The following ZNF536 variants were observed in gnomAD, a reference collection of about 807,000 sequenced individuals.
ZNF536 encodes the protein zinc finger protein 536.
A neutral mutation model predicts 84.5 loss-of-function variants in ZNF536; 13 were observed. That is an observed-to-expected ratio of 0.15 (90% CI 0.10 to 0.24). The LOEUF is 0.24. Among genes scored for constraint, ZNF536 ranks in the 10% least tolerant of loss-of-function variants. The pLI is 1.00. For synonymous variants in ZNF536, 811 were observed against 742.5 expected, an observed-to-expected ratio of 1.09 and a Z score of -1.50; for missense variants, 1,536 against 1,747.5, an observed-to-expected ratio of 0.88 and a Z score of 2.16.
At chr19:30,471,950 A>G (rs773565679) in intron 2 of ZNF536, among the ~76,000 whole-genome samples, 5 of 152,158 alleles carry the variant, frequency 3.3e-5, no homozygotes, top group Non-Finnish European at 7.3e-5. Context: ...TATTTACCAA[A>G]TGCTACATGA....
At chr19:30,571,021 A>G (rs2046527077) in intron 1 of ZNF536, among the ~76,000 whole-genome samples, 1 of 152,208 alleles carries the variant, frequency 6.6e-6, no homozygotes, top group Non-Finnish European at 1.5e-5. Context: ...GGCCTCACGC[A>G]GGGCCTGTGG....
chr19:30,453,193 C>T (rs1185503468), intron 2 of ZNF536, among the ~76,000 whole-genome samples: 1 of 152,106 alleles, frequency 6.6e-6, no homozygotes, highest in African/African-American at 2.4e-5. Flanking sequence ...CCAAAAGGAA[C>T]TTAGGGGAAC....
intron 2 of ZNF536, among the ~76,000 whole-genome samples, chr19:30,483,084 C>T (rs1231170626): frequency 6.6e-6 from 1 of 152,230 alleles, no homozygotes; most frequent in African/African-American, 2.4e-5. Flanking sequence ...TCCAGCCCCA[C>T]CCTCACTGTG....
intron 2 of ZNF536, among the ~76,000 whole-genome samples, chr19:30,476,463 GT>G (rs2053850001): frequency 6.6e-6 from 1 of 152,210 alleles, no homozygotes; most frequent in African/African-American, 2.4e-5. Flanking sequence ...ATGTCACTGG[GT>G]TGTGGACACA....
chr19:30,472,483 T>C (rs1382963627), intron 2 of ZNF536, among the ~76,000 whole-genome samples: 1 of 152,090 alleles, frequency 6.6e-6, no homozygotes, highest in Non-Finnish European at 1.5e-5. Flanking sequence ...ATCTCAAAAG[T>C]GAGTAATGAA....
chr19:30,408,669 T>G (rs2147648721), intron 1 of ZNF536, among the ~76,000 whole-genome samples: 1 of 152,308 alleles, frequency 6.6e-6, no homozygotes, highest in East Asian at 1.9e-4. Flanking sequence ...GTTTTATTCC[T>G]TTGGTTGTTA....
At chr19:30,605,037 C>T (rs2047819007) in intron 1 of ZNF536, among the ~76,000 whole-genome samples, 2 of 152,186 alleles carry the variant, frequency 1.3e-5, no homozygotes. Context: ...CTCACAGTCT[C>T]TCTGTTGGGT....
At chr19:30,642,930 C>T (rs2049319232) in intron 1 of ZNF536, among the ~76,000 whole-genome samples, 1 of 152,182 alleles carries the variant, frequency 6.6e-6, no homozygotes, top group Non-Finnish European at 1.5e-5. Context: ...TAACAATGGC[C>T]TCAGCACTGA....
At chr19:30,700,348 C>CCT (rs1568685050) in intron 1 of ZNF536, among the ~76,000 whole-genome samples, 1 of 145,780 alleles carries the variant, frequency 6.9e-6, no homozygotes, top group Non-Finnish European at 1.5e-5. Context: ...TCCCTCCCCC[C>CCT]TCCTTCCTTC....
At chr19:30,686,887 A>G (rs1378767067) in intron 1 of ZNF536, among the ~76,000 whole-genome samples, 5 of 152,110 alleles carry the variant, frequency 3.3e-5, no homozygotes, top group East Asian at 1.9e-4. Flanking sequence ...TTTTAGTTCC[A>G]TCCTGTCTCC....
upstream of ZNF536, among the ~76,000 whole-genome samples, chr19:30,226,811 G>A (rs1311219678): frequency 2.6e-5 from 4 of 152,080 alleles, no homozygotes; most frequent in African/African-American, 9.7e-5. The surrounding 1 kb of genome is among the most constrained non-coding windows in gnomAD (Gnocchi z 4.6). Flanking sequence ...GGGCTTGCGC[G>A]GCGTCTGGGA....
chr19:30,301,366 C>A (rs756990099), intron 2 of ZNF536, among the ~76,000 whole-genome samples: 1 of 152,170 alleles, frequency 6.6e-6, no homozygotes, highest in African/African-American at 2.4e-5. Context: ...GGGGTAGCGG[C>A]GATGCGGACG....
At chr19:30,566,990 T>C (rs1394403686) in intron 1 of ZNF536, among the ~76,000 whole-genome samples, 1 of 149,262 alleles carries the variant, frequency 6.7e-6, no homozygotes, top group Non-Finnish European at 1.5e-5. Context: ...GTGGCCTCTC[T>C]GGGTAGTGGC....
intron 4 of ZNF536, chr19:30,554,459 T>A (rs1688793460): frequency 6.6e-6 from 1 of 152,076 alleles, no homozygotes; most frequent in African/African-American, 2.4e-5. Context: ...TTCATCATGT[T>A]GGTCAGGCTG....
downstream of ZNF536, among the ~76,000 whole-genome samples, chr19:30,561,911 C>T (rs1360950940): frequency 6.6e-6 from 1 of 152,174 alleles, no homozygotes; most frequent in African/African-American, 2.4e-5. Flanking sequence ...TGAGAACACC[C>T]TCTTGGGTAC....
chr19:30,651,529 C>T (rs924046917), intron 1 of ZNF536, among the ~76,000 whole-genome samples: 2 of 152,174 alleles, frequency 1.3e-5, no homozygotes, highest in African/African-American at 4.8e-5. Flanking sequence ...AATTGAATAG[C>T]ATCCATTTCA....
chr19:30,453,843 G>A (rs2052718718), intron 2 of ZNF536, among the ~76,000 whole-genome samples: 1 of 152,242 alleles, frequency 6.6e-6, no homozygotes, highest in South Asian at 2.1e-4. Context: ...GTTGTCCAGG[G>A]CTTAGCTTCT....
At chr19:30,647,927 G>A (rs983972612) in intron 1 of ZNF536, among the ~76,000 whole-genome samples, 14 of 152,196 alleles carry the variant, frequency 9.2e-5, no homozygotes, top group African/African-American at 3.4e-4. Flanking sequence ...AGGGAGTTGT[G>A]AAGTTTCCCA....
chr19:30,526,345 C>T (rs1186982154), intron 2 of ZNF536, among the ~76,000 whole-genome samples: 1 of 152,230 alleles, frequency 6.6e-6, no homozygotes, highest in South Asian at 2.1e-4. Context: ...GTTGTCACAG[C>T]AGCATCACAT....
Sources: gnomAD v4.1 joint callset for allele counts (sites outside exome capture counted in the v4.1 genomes callset) on GRCh38, gnomAD v4.1.1 for gene constraint, Gnocchi (gnomAD v3.1) non-coding constraint, MANE v1.5 for transcripts, NCBI Gene and HGNC (gene_info 2026-07-23, HGNC 2026-07-21) for gene names.